Variants in PLPBP observed in about 807,000 individuals in gnomAD.
PLPBP encodes pyridoxal phosphate homeostasis protein.
PLPBP carries 21 observed loss-of-function variants against 31.2 expected under a neutral mutation model. That is an observed-to-expected ratio of 0.67 (90% CI 0.48 to 0.97). PLPBP has a LOEUF of 0.97. Ranked by LOEUF, PLPBP falls within the 50% of genes least tolerant of loss-of-function variation. PLPBP has a pLI of 0.00. For synonymous variants in PLPBP, 124 were observed against 135.6 expected, an observed-to-expected ratio of 0.91 and a Z score of 0.59; for missense variants, 308 against 354.4, an observed-to-expected ratio of 0.87 and a Z score of 1.05.
rs565644072 is a variant in PLPBP, at chr8:37,773,132, T to C, written c.454+243T>C. Among the ~76,000 whole-genome samples the C allele has an allele frequency of 1.0e-3, 159 of 152,168 alleles. 2 individuals are homozygous for C. Among genetic ancestry groups the C allele is most frequent in the Non-Finnish European group, 1.8e-4 (12 of 67,978 alleles). ...TTAATTTTAGGGGAAGAAGAATGGA[T>C]GGGGAGTTCAAGAAGGGGATTGTGA... On this transcript the variant is annotated intron_variant, in intron 5 of 7. Coordinates refer to ENST00000328195, the MANE Select transcript of PLPBP (RefSeq NM_007198.4).
rs192397847 is a variant in PLPBP, at chr8:37,767,935, A to G, written c.319+1580A>G. Among the ~76,000 whole-genome samples the G allele has an allele frequency of 4.7e-5, 7 of 148,412 alleles. No homozygotes were observed. In the East Asian group the frequency reaches 1.4e-3, roughly 29 times the overall value. On this transcript the variant is annotated intron_variant, in intron 4 of 7. Coordinates refer to ENST00000328195, the MANE Select transcript of PLPBP (RefSeq NM_007198.4). ...ATTCTCCTGCCTCAGCCTTCCGAGT[A>G]GCTAGGATTACAGGCACATGCCACC...
intron 1 of PLPBP, among the ~76,000 whole-genome samples, chr8:37,765,229 A>G (rs1183451346): frequency 6.6e-6 from 1 of 152,218 alleles, no homozygotes; most frequent in African/African-American, 2.4e-5. Context: ...TTGGTCAAAG[A>G]CCACACTTAC....
chr8:37,764,417 A>C (rs927174965), intron 1 of PLPBP, among the ~76,000 whole-genome samples: 5 of 151,894 alleles, frequency 3.3e-5, no homozygotes, highest in African/African-American at 1.2e-4. Context: ...CACCTCCCGG[A>C]TTCAAGCAAT....
At chr8:37,763,463 T>C (rs1010874194) in intron 1 of PLPBP, among the ~76,000 whole-genome samples, 1 of 152,244 alleles carries the variant, frequency 6.6e-6, no homozygotes, top group African/African-American at 2.4e-5. Flanking sequence ...CGAGCATTTA[T>C]GCTGGCTGAA....
At chr8:37,776,493 A>C (rs1247391173) in intron 7 of PLPBP, among the ~76,000 whole-genome samples, 4 of 150,542 alleles carry the variant, frequency 2.7e-5, no homozygotes, top group African/African-American at 7.3e-5. Flanking sequence ...AAAAAAAAAA[A>C]AAAAAAAAAA....
intron 5 of PLPBP, among the ~76,000 whole-genome samples, chr8:37,773,438 G>A (rs1222177619): frequency 6.6e-6 from 1 of 151,080 alleles, no homozygotes; most frequent in East Asian, 2.0e-4. Flanking sequence ...CCAAAGTGCT[G>A]GGATTACAGG....
chr8:37,766,234 G>A, intron 3 of PLPBP, 46 bp from the exon 4 acceptor site: 2 of 1,475,718 alleles, frequency 1.4e-6, no homozygotes, highest in Non-Finnish European at 1.9e-6. Context: ...AGCCAGCAAG[G>A]CCTCTATAAA....
At chr8:37,777,433 C>T (rs1803942911) in intron 7 of PLPBP, among the ~76,000 whole-genome samples, 2 of 152,296 alleles carry the variant, frequency 1.3e-5, no homozygotes, top group South Asian at 2.1e-4. Flanking sequence ...GTGCCAGCCA[C>T]ACTCTCCAAC....
intron 4 of PLPBP, among the ~76,000 whole-genome samples, chr8:37,767,953 A>G (rs1219221339): frequency 6.6e-6 from 1 of 151,742 alleles, no homozygotes; most frequent in Non-Finnish European, 1.5e-5. Flanking sequence ...TTACAGGCAC[A>G]TGCCACCACA....
chr8:37,770,495 C>G (rs2129792081), intron 4 of PLPBP, among the ~76,000 whole-genome samples: 1 of 152,320 alleles, frequency 6.6e-6, no homozygotes, highest in East Asian at 1.9e-4. Context: ...AGATTAAAGA[C>G]TTAAATCTAA....
chr8:37,776,803 A>G (rs1257114342), intron 7 of PLPBP, among the ~76,000 whole-genome samples: 2 of 151,840 alleles, frequency 1.3e-5, no homozygotes, highest in Non-Finnish European at 2.9e-5. Context: ...GTCTCGCTCT[A>G]TTGCCCAGGC....
At chr8:37,774,788 T>A (rs1168617760) in intron 5 of PLPBP, 1 of 152,354 alleles carries the variant, frequency 6.6e-6, no homozygotes, top group Non-Finnish European at 1.5e-5. Flanking sequence ...CTCCGCCTAA[T>A]AAATGGGGGC....
In PLPBP at chr8:37,772,838, TCTC is replaced by T. The variant is rs780668614; in HGVS notation, c.406_408del (p.Pro136del). Reference sequence around the variant, plus strand: ...GAACAGTTCCTGGCAGAGAAAAGGTTCTCCTGAAAGGTTAAAGGTTATGGTCCA... The same window carrying T: ...GAACAGTTCCTGGCAGAGAAAAGGTTCTGAAAGGTTAAAGGTTATGGTCCA... On this transcript the variant is annotated inframe_deletion, in exon 5 of 8. Transcript: ENST00000328195. 1 of 1,614,138 alleles carries T rather than the reference TCTC, an allele frequency of 6.2e-7. No homozygotes were observed. The highest frequency in any genetic ancestry group is 2.2e-5 in the East Asian group (1 of 44,870).
chr8:37,778,011 G>A lies in PLPBP; in HGVS notation c.735G>A (p.Thr245=), dbSNP rs759921827. The A allele has an allele frequency of 1.9e-5, 31 of 1,613,476 alleles. No individual in the cohort carries two copies. The highest frequency in any genetic ancestry group is 3.3e-5 in the South Asian group (3 of 91,042). The change falls in exon 8 of 8, where the codon ACG becomes ACA. Residue 245 remains threonine (T), a synonymous_variant. Coordinates refer to ENST00000328195, the MANE Select transcript of PLPBP (RefSeq NM_007198.4). The stretch of plus-strand genomic sequence containing the variant: ...CTACAAATGTCCGAATAGGAAGCAC[G>A]ATTTTTGGAGAGCGGGATTACTCAA... ...VGSTNVRIGS[T]IFGERDYSKK...
At chr8:37,777,506 C>G (rs967650363) in intron 7 of PLPBP, among the ~76,000 whole-genome samples, 10 of 152,278 alleles carry the variant, frequency 6.6e-5, no homozygotes, top group Admixed American at 2.6e-4. Context: ...AATTTTACCT[C>G]TGAGGAGAAC....
chr8:37,768,970 A>G (rs1803707198), intron 4 of PLPBP, among the ~76,000 whole-genome samples: 1 of 152,214 alleles, frequency 6.6e-6, no homozygotes, highest in East Asian at 1.9e-4. Flanking sequence ...AAAGTATTAG[A>G]ATAAAATGCA....
rs943919519 is a variant in PLPBP at position 37,762,728 on chromosome 8, C to T, written c.69C>T (p.Arg23=). ...VGCALRAVNE[R]VQQAVARRPR... ...GCGCATTGCGGGCGGTGAACGAGCG[C>T]GTGCAGCAGGCTGTGGCGCGGCGGC... The change falls in exon 1 of 8, where the codon CGC becomes CGT. Residue 23 remains arginine (R), a synonymous_variant. Coordinates refer to ENST00000328195, the MANE Select transcript of PLPBP (RefSeq NM_007198.4). 1.2e-5 allele frequency: 19 copies of T among 1,585,946 alleles called. No homozygotes were observed. The highest frequency in any genetic ancestry group is 1.6e-5 in the Non-Finnish European group (19 of 1,171,320).
At chr8:37,765,483 T>C (rs1225513919) in intron 1 of PLPBP, 43 bp from the exon 2 acceptor site, 3 of 1,561,260 alleles carry the variant, frequency 1.9e-6, no homozygotes, top group Admixed American at 1.7e-5. Context: ...ATTGGGGTAC[T>C]GTTCCCAAAC....
At chr8:37,773,430 A>T (rs1354619977) in intron 5 of PLPBP, among the ~76,000 whole-genome samples, 2 of 150,416 alleles carry the variant, frequency 1.3e-5, no homozygotes, top group Non-Finnish European at 2.9e-5. Context: ...TCGGCCTCCC[A>T]AAGTGCTGGG....
Sources: gnomAD v4.1 joint callset for allele counts (sites outside exome capture counted in the v4.1 genomes callset) on GRCh38, gnomAD v4.1.1 for gene constraint, MANE v1.5 for transcripts, NCBI Gene and HGNC (gene_info 2026-07-23, HGNC 2026-07-21) for gene names.